The following NPHP3 variants were observed in gnomAD, a reference collection of about 807,000 sequenced individuals.
NPHP3 encodes nephrocystin 3, also known as nephrocystin-3.
A neutral mutation model predicts 171.9 loss-of-function variants in NPHP3; 123 were observed. That is an observed-to-expected ratio of 0.72 (90% CI 0.62 to 0.83). The LOEUF (loss-of-function observed/expected upper bound fraction) is 0.83, where lower values mean the gene tolerates loss of function less well. Among genes scored for constraint, NPHP3 ranks in the 40% least tolerant of loss-of-function variants. NPHP3 has a pLI of 0.00. For missense variants in NPHP3, 1,506 were observed against 1,591.9 expected (o/e 0.95, Z 0.92); for synonymous variants, 558 against 579.2 (o/e 0.96, Z 0.52).
At chr3:132,715,623 T>C (rs769031289) in intron 4 of NPHP3, among the ~76,000 whole-genome samples, 4 of 152,244 alleles carry the variant, frequency 2.6e-5, no homozygotes, top group Non-Finnish European at 5.9e-5. Flanking sequence ...AGCCTTATGC[T>C]AACTATATTT....
Position 132,719,834 on chromosome 3 carries a change from G to C in NPHP3, c.394-4C>G, listed in dbSNP as rs765127724. ...TCTGATACGTTTTTTGAAGTGCCTA[G>C]AATAATTTACCTTGTTATTTCCTAA... On this transcript the variant is annotated splice_region_variant and splice_polypyrimidine_tract_variant and intron_variant, in intron 1 of 26. Transcript: ENST00000337331. 22 of 1,574,912 alleles carry C rather than the reference G, an allele frequency of 1.4e-5. 2 individuals carry two copies. The South Asian group carries it at 2.3e-4, about 17-fold the overall frequency.
rs1002886097 is a variant in NPHP3 at position 132,688,718 on chromosome 3, A to G, written c.3057T>C (p.Tyr1019=). The G allele has an allele frequency of 9.9e-6, 16 of 1,614,192 alleles. No individual in the cohort carries two copies. Among genetic ancestry groups the G allele is most frequent in the African/African-American group, 1.3e-5 (1 of 75,050 alleles). The change falls in exon 21 of 27, where the codon TAT becomes TAC. Residue 1019 remains tyrosine (Y), a synonymous_variant. Coordinates refer to ENST00000337331, the MANE Select transcript of NPHP3 (RefSeq NM_153240.5). ...GAGCAGTATATGGATGGTCCGCACCATAAGCATTTTCTGAGATTTCCAACG... is the reference window on the plus strand; with the variant it reads ...GAGCAGTATATGGATGGTCCGCACCGTAAGCATTTTCTGAGATTTCCAACG... ...KQALEISENA[Y]GADHPYTARE...
rs1324503524 is a variant in NPHP3, at chr3:132,691,200, C to T, written c.2562G>A (p.Leu854=). 7 of 1,610,890 alleles carry T rather than the reference C, an allele frequency of 4.3e-6. No homozygotes were observed. The African/African-American group carries it at 8.0e-5, about 18-fold the overall frequency. ...AGGAACATTTACAATACCTTAGCTG[C>T]AAGGTGAAATAGTTGATTAGCTTTT... The part of the protein sequence containing the change: ...YRQKLINYFT[L]QLSQDRVTWR... The change falls in exon 18 of 27, where the codon TTG becomes TTA. Residue 854 remains leucine (L), a synonymous_variant. Coordinates refer to ENST00000337331, the MANE Select transcript of NPHP3 (RefSeq NM_153240.5).
chr3:132,694,355 A>ATG (rs141353877), intron 16 of NPHP3, among the ~76,000 whole-genome samples: 1,763 of 143,996 alleles, frequency 0.012, 23 homozygotes, highest in Non-Finnish European at 0.016. Flanking sequence ...GAAGGAAATT[A>ATG]TGTGTGTGTG....
intron 23 of NPHP3, 118 bp downstream of exon 23, chr3:132,686,142 A>C (rs1027100732): frequency 3.8e-6 from 4 of 1,045,096 alleles, no homozygotes; most frequent in Non-Finnish European, 6.0e-6. Context: ...TCATACATGA[A>C]ATTTTGCGTG....
chr3:132,691,884 T>G (rs1310620064), intron 17 of NPHP3, among the ~76,000 whole-genome samples: 3 of 152,196 alleles, frequency 2.0e-5, no homozygotes, highest in Admixed American at 2.0e-4. Flanking sequence ...CAAGTTTAGA[T>G]AGGCATTAAT....
chr3:132,704,067 G>A, intron 9 of NPHP3, 131 bp downstream of exon 9: 1 of 917,858 alleles, frequency 1.1e-6, no homozygotes, highest in South Asian at 1.4e-5. Flanking sequence ...ATCTCAACAT[G>A]GATAATCAAG....
At chr3:132,694,380 T>TAA (rs1939391349) in intron 16 of NPHP3, among the ~76,000 whole-genome samples, 2 of 144,432 alleles carry the variant, frequency 1.4e-5, no homozygotes, top group Admixed American at 1.4e-4. Flanking sequence ...TGTGTGTGTT[T>TAA]ACACACACAC....
In NPHP3 at chr3:132,692,768, C is replaced by G; in HGVS notation, c.2361G>C (p.Leu787=). The G allele has an allele frequency of 6.2e-7, 1 of 1,613,966 alleles. No individual in the cohort carries two copies. The change falls in exon 17 of 27, where the codon CTG becomes CTC. Residue 787 remains leucine, a synonymous_variant. Transcript: ENST00000337331. ...VSHNGVSESE[L]MELYPEMSWT... is the part of the protein sequence containing the mutation. ...AGGACATCTCAGGATAGAGTTCCAT[C>G]AGTTCTGATTCACTCACACCATTGT...
chr3:132,721,999 C>T lies in NPHP3; in HGVS notation c.357G>A (p.Leu119=). 1 of 1,613,240 alleles carries T rather than the reference C, an allele frequency of 6.2e-7. No homozygotes were observed. The highest frequency in any genetic ancestry group is 8.5e-7 in the Non-Finnish European group (1 of 1,179,914). ...CCCGCAGCCGCTTGTTCTCCGTGTC[C>T]AGCTTGGCCTCGCGGCGGCCCATGG... ...LLSMGRREAK[L]DTENKRLRAE... is the part of the protein sequence containing the mutation. Residue 119 remains leucine (L), a synonymous_variant, in exon 1 of 27, where the codon CTG becomes CTA. Transcript: ENST00000337331.
At chr3:132,719,644 A>C in intron 2 of NPHP3, 61 bp downstream of exon 2, 2 of 1,098,186 alleles carry the variant, frequency 1.8e-6, no homozygotes, top group Non-Finnish European at 2.5e-6. Flanking sequence ...TATTATATAT[A>C]CTTTTAGAAT....
chr3:132,718,046 G>A, intron 3 of NPHP3: 1 of 408,142 alleles, frequency 2.5e-6, no homozygotes, highest in South Asian at 1.6e-5. Context: ...AAGCCACCGT[G>A]CCCGGCCTTC....
intron 1 of NPHP3, 103 bp downstream of exon 1, chr3:132,721,860 G>A (rs1940232177): frequency 7.5e-7 from 1 of 1,340,736 alleles, no homozygotes; most frequent in Non-Finnish European, 1.0e-6. Context: ...AAATTAAAAT[G>A]GGCAGTTTCC....
chr3:132,697,807 C>G lies in NPHP3; in HGVS notation c.1986-445G>C, dbSNP rs540344626. Among the ~76,000 whole-genome samples, 7 of 152,180 alleles carry G rather than the reference C, an allele frequency of 4.6e-5. No homozygotes were observed. The South Asian group carries it at 1.5e-3, about 32-fold the overall frequency. ...TTGTGGGGGAGTGAAAAAACTTACT[C>G]TTTTTATGTATAAAGTACACATAGA... On this transcript the variant is annotated intron_variant, in intron 13 of 26. Coordinates refer to ENST00000337331, the MANE Select transcript of NPHP3 (RefSeq NM_153240.5).
At chr3:132,701,661 T>G in intron 9 of NPHP3, 128 bp from the exon 10 acceptor site, 1 of 679,802 alleles carries the variant, frequency 1.5e-6, no homozygotes, top group Non-Finnish European at 2.6e-6. Context: ...CTATTTTTAG[T>G]GACAGCACCC....
rs1456696060 is a variant in NPHP3, at chr3:132,721,928, G to C, written c.393+35C>G. The C allele has an allele frequency of 4.4e-6, 7 of 1,607,490 alleles. No homozygotes were observed. The African/African-American group carries it at 5.3e-5, about 12-fold the overall frequency. ...GGAGCAGGACGGCCGTGCTTCCCAA[G>C]GGTCTCCCGGCGTCGCGGCCCAGCC... On this transcript the variant is annotated intron_variant, in intron 1 of 26. Transcript: ENST00000337331.
At chr3:132,703,604 G>A (rs1939673105) in intron 9 of NPHP3, among the ~76,000 whole-genome samples, 1 of 145,720 alleles carries the variant, frequency 6.9e-6, no homozygotes, top group South Asian at 2.1e-4. Flanking sequence ...TTTAAAGACA[G>A]GGTCTTGCTC....
intron 5 of NPHP3, 99 bp downstream of exon 5, chr3:132,714,986 T>G (rs1940011117): frequency 2.1e-6 from 2 of 973,650 alleles, no homozygotes; most frequent in Non-Finnish European, 3.2e-6. Context: ...TATAATCTAG[T>G]AGGAAACTAT....
chr3:132,698,356 C>T (rs778432869), intron 13 of NPHP3, among the ~76,000 whole-genome samples: 1 of 152,168 alleles, frequency 6.6e-6, no homozygotes, highest in Non-Finnish European at 1.5e-5. Context: ...CAGCTCACTA[C>T]AACCTCCACC....
Sources: allele counts gnomAD v4.1 joint callset (sites outside exome capture counted in the v4.1 genomes callset), GRCh38; gene constraint gnomAD v4.1.1; transcripts MANE v1.5; gene names NCBI Gene and HGNC (gene_info 2026-07-23, HGNC 2026-07-21).